CHEK1: variants seen among roughly 807,000 people sequenced by gnomAD.
CHEK1 encodes serine/threonine-protein kinase Chk1.
In CHEK1, 32 loss-of-function variants were observed where a neutral mutation model predicts 60.2. The ratio of observed to expected loss-of-function variants is 0.53; its 90% CI spans 0.40 to 0.71. The LOEUF (loss-of-function observed/expected upper bound fraction) is 0.71, where lower values mean the gene tolerates loss of function less well. Among genes scored for constraint, CHEK1 ranks in the 30% least tolerant of loss-of-function variants. The pLI is 0.00. For synonymous variants in CHEK1, 179 were observed against 187.2 expected, an observed-to-expected ratio of 0.96 and a Z score of 0.36; for missense variants, 399 against 564.6, an observed-to-expected ratio of 0.71 and a Z score of 2.97.
chr11:125,666,840 A>G (rs1303275117), intron 13 of CHEK1, among the ~76,000 whole-genome samples: 1 of 151,954 alleles, frequency 6.6e-6, no homozygotes, highest in Non-Finnish European at 1.5e-5. Flanking sequence ...TACTTGGCAT[A>G]TATTTTTCCA....
chr11:125,653,785 A>G lies in CHEK1; in HGVS notation c.1273A>G (p.Ile425Val). The G allele has an allele frequency of 1.3e-6, 2 of 1,597,274 alleles. No individual in the cohort carries two copies. The highest frequency in any genetic ancestry group is 1.7e-5 in the Admixed American group (1 of 58,030). ...STTDRRNNKL[I>V]FKVNLLEMDD... ...AACTGATAGGAGAAACAATAAACTC[A>G]TTTTCAAAGTGAATTTGTTAGAAAT... The change falls in exon 12 of 13, where the codon ATT (isoleucine) becomes GTT (valine). Residue 425 changes from isoleucine to valine, a missense_variant. Coordinates refer to ENST00000438015, the MANE Select transcript of CHEK1 (RefSeq NM_001114122.3). The surrounding 1 kb of genome is among the most constrained non-coding windows in gnomAD (Gnocchi z 4.3).
intron 13 of CHEK1, among the ~76,000 whole-genome samples, chr11:125,669,134 A>G (rs1942151073): frequency 6.6e-6 from 1 of 152,104 alleles, no homozygotes; most frequent in Non-Finnish European, 1.5e-5. Context: ...TCTTTACTAT[A>G]TCTGGAACTG....
chr11:125,629,525 C>T (rs1408825161), intron 5 of CHEK1, 65 bp downstream of exon 5: 2 of 1,199,766 alleles, frequency 1.7e-6, no homozygotes, highest in Admixed American at 2.2e-5. Flanking sequence ...ATTTTAATTA[C>T]CTAATTATTT....
downstream of CHEK1, among the ~76,000 whole-genome samples, chr11:125,676,668 C>G (rs1942526195): frequency 6.6e-6 from 1 of 152,156 alleles, no homozygotes; most frequent in Admixed American, 6.5e-5. Flanking sequence ...TCTTCTTCAT[C>G]TCTGACCCTC....
chr11:125,672,750 A>C (rs781295807), intron 13 of CHEK1: 2 of 1,612,350 alleles, frequency 1.2e-6, no homozygotes, highest in East Asian at 4.5e-5. Flanking sequence ...AGTGAGCAGA[A>C]AGCTTCGTCC....
chr11:125,674,660 C>T (rs1385125279), intron 13 of CHEK1, among the ~76,000 whole-genome samples: 1 of 152,158 alleles, frequency 6.6e-6, no homozygotes, highest in Non-Finnish European at 1.5e-5. Flanking sequence ...GGTAATCTTC[C>T]TGAAGAAGCG....
rs1942497199 is a variant in CHEK1, at chr11:125,676,173, G to C, written c.*273G>C. On this transcript the variant is annotated 3_prime_UTR_variant, in exon 14 of 14. Transcript: ENST00000428830. ...TCCACCTGCCTTGGCCTCCCAAAGT[G>C]CTGGGATTTTAGGTGTGAGCCACCT... is the stretch of plus-strand genomic sequence containing the variant. 16 of 664,748 alleles carry C rather than the reference G, an allele frequency of 2.4e-5. No homozygotes were observed. The South Asian group carries it at 3.0e-4, about 13-fold the overall frequency. 41.2% of individuals were successfully genotyped at this position (664,748 alleles called of 1,614,324 possible). A position where few individuals can be genotyped will look rare whatever the true frequency, so the allele number is the denominator to read the frequency against.
At chr11:125,673,887 A>C (rs1591434955) in intron 13 of CHEK1, among the ~76,000 whole-genome samples, 2 of 152,260 alleles carry the variant, frequency 1.3e-5, no homozygotes, top group Middle Eastern at 6.8e-3. Flanking sequence ...GGCCGGGCAC[A>C]GTGGCTCATG....
At chr11:125,639,876 T>C (rs1029050950) in intron 8 of CHEK1, among the ~76,000 whole-genome samples, 8 of 152,220 alleles carry the variant, frequency 5.3e-5, no homozygotes, top group African/African-American at 1.9e-4. Context: ...GGTCTTTCTC[T>C]TACCCACTCA....
Position 125,644,072 on chromosome 11 carries a change from T to C in CHEK1, c.924-19T>C. 6.2e-7 allele frequency: 1 copy of C among 1,601,786 alleles called. No individual in the cohort carries two copies. The highest frequency in any genetic ancestry group is 1.1e-5 in the South Asian group (1 of 88,228). ...TTTATTTTATTAAATGTATGTTTCT[T>C]TCTGTCTTAATGCCTCAGTGAAGAA... On this transcript the variant is annotated intron_variant, in intron 9 of 12. Transcript: ENST00000438015.
intron 13 of CHEK1, chr11:125,672,720 G>T: frequency 6.2e-7 from 1 of 1,614,020 alleles, no homozygotes; most frequent in Non-Finnish European, 8.5e-7. Flanking sequence ...TTTTCCACCT[G>T]AAAGGAGCAG....
chr11:125,633,786 C>T (rs931857307), intron 6 of CHEK1, among the ~76,000 whole-genome samples: 9 of 152,110 alleles, frequency 5.9e-5, no homozygotes, highest in Non-Finnish European at 8.8e-5. Context: ...GTGTCTTGAT[C>T]GGTTTGGTAA....
rs373069163 is a variant in CHEK1, at chr11:125,631,037, A to C, written c.424+1577A>C. ...TTCTGTTTATACAAAGTTCAAAAAT[A>C]TGTAAAACCTAGTATATTGTTCAAG... On this transcript the variant is annotated intron_variant, in intron 5 of 12. Transcript: ENST00000438015. 2.0e-4 allele frequency among the ~76,000 whole-genome samples: 31 copies of C among 152,340 alleles called. 2 individuals carry two copies. The highest frequency in any genetic ancestry group is 1.7e-3 in the East Asian group (9 of 5,186).
At chr11:125,679,216 C>CTTTTTTTTTTTTTTT (rs71045115), downstream of CHEK1, among the ~76,000 whole-genome samples, 529 of 120,952 alleles carry the variant, frequency 4.4e-3, 13 homozygotes, top group Non-Finnish European at 5.3e-3. Flanking sequence ...CCGTCTCTTT[C>CTTTTTTTTTTTTTTT]TTTTTTTTTT....
chr11:125,626,625 A>C (rs879667337), intron 1 of CHEK1, 124 bp from the exon 2 acceptor site: 1 of 755,738 alleles, frequency 1.3e-6, no homozygotes, highest in South Asian at 1.6e-5. Flanking sequence ...ATAAATGTGG[A>C]TGAGATAGAA....
chr11:125,638,991 A>G (rs1016726378), intron 8 of CHEK1, among the ~76,000 whole-genome samples: 4 of 152,030 alleles, frequency 2.6e-5, no homozygotes, highest in African/African-American at 9.7e-5. Context: ...TGGACTTGCA[A>G]TTAATTAATT....
chr11:125,663,861 AG>A (rs1342582554), intron 13 of CHEK1, among the ~76,000 whole-genome samples: 1 of 152,166 alleles, frequency 6.6e-6, no homozygotes, highest in African/African-American at 2.4e-5. Flanking sequence ...AAAGGAGTCC[AG>A]TTTCAGTCTT....
downstream of CHEK1, among the ~76,000 whole-genome samples, chr11:125,658,546 T>C (rs1264262732): frequency 6.6e-6 from 1 of 152,168 alleles, no homozygotes; most frequent in East Asian, 1.9e-4. Context: ...TGAACATTTG[T>C]AATTTTAATG....
chr11:125,652,195 G>C (rs1269789189), intron 11 of CHEK1, among the ~76,000 whole-genome samples: 1 of 152,200 alleles, frequency 6.6e-6, no homozygotes, highest in African/African-American at 2.4e-5. Flanking sequence ...TCATCCAGCT[G>C]TAGTCATTTG....
Sources: gnomAD v4.1 joint callset for allele counts (sites outside exome capture counted in the v4.1 genomes callset) on GRCh38, gnomAD v4.1.1 for gene constraint, Gnocchi (gnomAD v3.1) non-coding constraint, MANE v1.5 for transcripts, NCBI Gene and HGNC (gene_info 2026-07-23, HGNC 2026-07-21) for gene names.